Variants in COL12A1 observed in about 807,000 individuals in gnomAD.
COL12A1 encodes the protein collagen alpha-1(XII) chain.
Under a neutral mutation model 349.7 loss-of-function variants are expected in COL12A1, and 114 were observed. That is an observed-to-expected ratio of 0.33 (90% CI 0.28 to 0.38). COL12A1 has a LOEUF of 0.38. Ranked by LOEUF, COL12A1 falls within the 10% of genes least tolerant of loss-of-function variation. The probability of loss-of-function intolerance (pLI) is 1.00; values close to 1 mark genes in which losing one functional copy is unlikely to be tolerated. For missense variants in COL12A1, 3,284 were observed against 3,756.9 expected (o/e 0.87, Z 3.29); for synonymous variants, 1,369 against 1,329.0 (o/e 1.03, Z -0.66).
intron 57 of COL12A1, 125 bp from the exon 58 acceptor site, chr6:75,101,778 C>A: frequency 8.8e-7 from 1 of 1,139,788 alleles, no homozygotes; most frequent in Admixed American, 2.2e-5. Flanking sequence ...GAGAACAGAG[C>A]CAAGCACATT....
At chr6:75,176,810 A>T (rs1404705649) in intron 12 of COL12A1, among the ~76,000 whole-genome samples, 1 of 152,174 alleles carries the variant, frequency 6.6e-6, no homozygotes, top group African/African-American at 2.4e-5. Context: ...ATTATTGCTA[A>T]TGTGTCCTTG....
chr6:75,151,530 C>G (rs556022126), intron 20 of COL12A1, among the ~76,000 whole-genome samples: 1 of 152,132 alleles, frequency 6.6e-6, no homozygotes, highest in Admixed American at 6.5e-5. Context: ...AATTTCCCGC[C>G]AAAAAGACTC....
In COL12A1 at chr6:75,177,918, T is replaced by C. The variant is rs578094154; in HGVS notation, c.2182A>G (p.Asn728Asp). Reference sequence around the variant, plus strand: ...GTAGTCTCATCTGTCACCTTTAGGTTTCGAGGTGCTCCTTTTACTGAAATA... The same window carrying C: ...GTAGTCTCATCTGTCACCTTTAGGTCTCGAGGTGCTCCTTTTACTGAAATA... ...TTEEVKGAPR[N>D]LKVTDETTDS... is the part of the protein sequence containing the mutation. The change falls in exon 12 of 66, where the codon AAC becomes GAC. Residue 728 changes from asparagine to aspartate, a missense_variant. Physicochemically the swap from Asn to Asp is conservative, Grantham distance 23. Transcript: ENST00000322507. 6.2e-7 allele frequency: 1 copy of C among 1,607,114 alleles called. No individual in the cohort carries two copies. Among genetic ancestry groups the C allele is most frequent in the East Asian group, 2.2e-5 (1 of 44,776 alleles).
chr6:75,119,771 T>A (rs1025578393), intron 44 of COL12A1, among the ~76,000 whole-genome samples: 6 of 151,926 alleles, frequency 3.9e-5, no homozygotes, highest in African/African-American at 1.5e-4. Context: ...AGGTGGGGAG[T>A]GGTGAGATCC....
chr6:75,192,419 T>C (rs929785503), intron 3 of COL12A1, 64 bp from the exon 4 acceptor site: 5 of 1,413,740 alleles, frequency 3.5e-6, no homozygotes, highest in South Asian at 1.2e-5. Context: ...ACACAATACA[T>C]TGTAATTCCC....
At chr6:75,179,404 A>C (rs772638788) in intron 11 of COL12A1, among the ~76,000 whole-genome samples, 1 of 152,184 alleles carries the variant, frequency 6.6e-6, no homozygotes, top group African/African-American at 2.4e-5. Flanking sequence ...TGTGGGCATT[A>C]CAGGAAAAGC....
At chr6:75,093,726 T>C (rs759607633) in intron 60 of COL12A1, among the ~76,000 whole-genome samples, 1 of 152,184 alleles carries the variant, frequency 6.6e-6, no homozygotes, top group Admixed American at 6.5e-5. Flanking sequence ...TTTGAGATTG[T>C]TCTGATTTTT....
At chr6:75,145,990 C>A in intron 24 of COL12A1, 112 bp downstream of exon 24, 1 of 1,208,256 alleles carries the variant, frequency 8.3e-7, no homozygotes, top group Non-Finnish European at 1.1e-6. Context: ...TCTATTTTTC[C>A]ATTTTGTACG....
In COL12A1 at chr6:75,147,072, G is replaced by A. The variant is rs80210218; in HGVS notation, c.4417+603C>T. 1.7e-3 allele frequency among the ~76,000 whole-genome samples: 266 copies of A among 152,266 alleles called. 4 individuals carry two copies. The highest frequency in any genetic ancestry group is 6.2e-3 in the African/African-American group (259 of 41,548). On this transcript the variant is annotated intron_variant, in intron 23 of 65. Transcript: ENST00000322507. The stretch of plus-strand genomic sequence containing the variant: ...AAGCATTACCAGGAATAGGAGCAAG[G>A]AACATCTACCCCAAAAGCGCTACTC...
chr6:75,100,665 G>T (rs937460352), intron 58 of COL12A1, among the ~76,000 whole-genome samples: 1 of 152,120 alleles, frequency 6.6e-6, no homozygotes, highest in Non-Finnish European at 1.5e-5. Context: ...CTACCATTTT[G>T]TATTATCTTA....
At chr6:75,142,238 T>G in intron 26 of COL12A1, 77 bp from the exon 27 acceptor site, 1 of 1,524,704 alleles carries the variant, frequency 6.6e-7, no homozygotes, top group Non-Finnish European at 9.0e-7. Flanking sequence ...TTACTGTACC[T>G]GTCAGCGTAA....
At chr6:75,153,139 T>C in intron 17 of COL12A1, among the ~76,000 whole-genome samples, 1 of 152,176 alleles carries the variant, frequency 6.6e-6, no homozygotes, top group East Asian at 1.9e-4. Context: ...CTATTAATCA[T>C]TTAAATTTAT....
intron 13 of COL12A1, among the ~76,000 whole-genome samples, chr6:75,174,420 G>A (rs3777506): frequency 0.061 from 9,224 of 152,204 alleles, 503 homozygotes; most frequent in African/African-American, 0.13. Context: ...GCCAGGCGTG[G>A]TGGCGGGCGC....
chr6:75,186,759 C>T (rs924708477), intron 8 of COL12A1, among the ~76,000 whole-genome samples: 1 of 152,102 alleles, frequency 6.6e-6, no homozygotes, highest in African/African-American at 2.4e-5. Flanking sequence ...AAATGTGGTA[C>T]ATATATACCA....
rs551826697 is a variant in COL12A1, at chr6:75,204,794, A to C, written c.-36+983T>G. Among the ~76,000 whole-genome samples, 72 of 152,052 alleles carry C rather than the reference A, an allele frequency of 4.7e-4. 1 individual carries two copies. The highest frequency in any genetic ancestry group is 6.8e-3 in the Middle Eastern group (2 of 294). ...GTTAAAAAGAAAATCACACACACAC[A>C]CACACACCGCGTGCGCGTCGCCTAC... On this transcript the variant is annotated intron_variant, in intron 1 of 65. Coordinates refer to ENST00000322507, the MANE Select transcript of COL12A1 (RefSeq NM_004370.6).
intron 14 of COL12A1, among the ~76,000 whole-genome samples, chr6:75,162,602 C>A (rs1282000903): frequency 6.6e-6 from 1 of 152,150 alleles, no homozygotes; most frequent in Non-Finnish European, 1.5e-5. Flanking sequence ...TAGGCATGGG[C>A]AAAGGCTTCA....
rs774948758 is a variant in COL12A1 at position 75,084,943 on chromosome 6, C to G, written c.*1604G>C. On this transcript the variant is annotated 3_prime_UTR_variant, in exon 66 of 66. Coordinates refer to ENST00000322507, the MANE Select transcript of COL12A1 (RefSeq NM_004370.6). ...ACTAAAGGCACACGGCATGTTCTCT[C>G]TTTGCAGCTTTTGTTAACAAAGTAT... 7.3e-6 allele frequency: 2 copies of G among 273,350 alleles called. No homozygotes were observed. Among genetic ancestry groups the G allele is most frequent in the Non-Finnish European group, 1.5e-5 (2 of 132,804 alleles). The allele number at this position is 273,350 out of a possible 1,614,324, so 16.9% of individuals were successfully genotyped here. A position where few individuals can be genotyped will look rare whatever the true frequency, so the allele number is the denominator to read the frequency against.
Position 75,138,329 on chromosome 6 carries a change from T to C in COL12A1, c.5242A>G (p.Thr1748Ala), listed in dbSNP as rs1450590311. ...CAAATTAAATTCTTACCTTGTGTTG[T>C]TAAGATAGGCACTAAAAGAAAACAG... ...IGSERTLPIL[T>A]TQAPKSGPRN... is the part of the protein sequence containing the mutation. Residue 1748 changes from threonine to alanine, a missense_variant, in exon 30 of 66, where the codon ACA (threonine) becomes GCA (alanine). Thr to Ala is a moderately conservative substitution (Grantham distance 58). Around this residue, in one of 2 missense-constraint regions of COL12A1, gnomAD observed 2,601 missense variants for 2,824.8 expected, o/e 0.92. Transcript: ENST00000322507. 1 of 1,610,364 alleles carries C rather than the reference T, an allele frequency of 6.2e-7. No homozygotes were observed.
chr6:75,087,791 A>G, intron 64 of COL12A1, 44 bp from the exon 65 acceptor site: 1 of 1,589,118 alleles, frequency 6.3e-7, no homozygotes, highest in Non-Finnish European at 8.5e-7. Context: ...CTTGTCAAAT[A>G]CAACTCCTGA....
Sources: allele counts gnomAD v4.1 joint callset (sites outside exome capture counted in the v4.1 genomes callset), GRCh38; gene constraint gnomAD v4.1.1; regional missense constraint gnomAD v4.1.1; transcripts MANE v1.5; gene names NCBI Gene and HGNC (gene_info 2026-07-23, HGNC 2026-07-21).